Variants in PCDH11X observed in about 807,000 individuals in gnomAD.
PCDH11X encodes the protein protocadherin-11 X-linked.
In PCDH11X, 18 loss-of-function variants were observed where a neutral mutation model predicts 53.3. The observed-to-expected ratio is 0.34, with a 90% CI of 0.23 to 0.50. PCDH11X has a LOEUF of 0.50. PCDH11X is among the 20% of genes least tolerant of loss of function. PCDH11X has a pLI of 0.98. For missense variants in PCDH11X, 570 were observed against 1,032.4 expected (o/e 0.55, Z 6.14); for synonymous variants, 279 against 393.3 (o/e 0.71, Z 3.44).
At chrX:92,421,021 T>G (rs2071953148) in intron 9 of PCDH11X, among the ~76,000 whole-genome samples, 1 of 111,922 alleles carries the variant, frequency 8.9e-6, no homozygotes. Context: ...ATTGGATAAT[T>G]GTTATTGATC....
chrX:91,825,045 A>G (rs1445371320), intron 4 of PCDH11X, among the ~76,000 whole-genome samples: 22 of 111,020 alleles, frequency 2.0e-4, no homozygotes, highest in Non-Finnish European at 3.0e-4. Context: ...CAGATCTCCA[A>G]CTGCATACTG....
At chrX:91,982,847 G>A (rs1304567408) in intron 6 of PCDH11X, 37 of 898,745 alleles carry the variant, frequency 4.1e-5, no homozygotes, top group Middle Eastern at 3.9e-4. Flanking sequence ...CTGCTATTTC[G>A]AAACGCGTGT....
At chrX:92,252,112 T>C (rs1221907839) in intron 7 of PCDH11X, among the ~76,000 whole-genome samples, 1 of 111,399 alleles carries the variant, frequency 9.0e-6, no homozygotes, top group Non-Finnish European at 1.9e-5. Flanking sequence ...TTTACCAGTG[T>C]CTTTTCTTTA....
chrX:91,947,369 C>A (rs2061589495), intron 6 of PCDH11X, among the ~76,000 whole-genome samples: 1 of 104,740 alleles, frequency 9.5e-6, no homozygotes, highest in Non-Finnish European at 2.0e-5. Context: ...TAGTCACATT[C>A]AGGGAACATT....
chrX:92,353,019 A>C (rs747060558), intron 8 of PCDH11X, among the ~76,000 whole-genome samples: 1 of 111,722 alleles, frequency 9.0e-6, no homozygotes, highest in African/African-American at 3.3e-5. Context: ...GCTGCAATTT[A>C]GTTCTGCCTT....
intron 7 of PCDH11X, among the ~76,000 whole-genome samples, chrX:92,251,019 A>C (rs978027992): frequency 1.8e-5 from 2 of 111,296 alleles, no homozygotes; most frequent in African/African-American, 6.5e-5. Flanking sequence ...TATATCAATA[A>C]AGGTGTTAAA....
chrX:92,198,465 T>C, intron 6 of PCDH11X, among the ~76,000 whole-genome samples: 1 of 103,448 alleles, frequency 9.7e-6, no homozygotes, highest in Non-Finnish European at 2.0e-5. Flanking sequence ...AGTCTGGGTT[T>C]ACCTCTCTCA....
rs755839913 is a variant in PCDH11X, at chrX:92,600,887, T to G, written c.3368-17377T>G. On this transcript the variant is annotated intron_variant, in intron 10 of 10. Transcript: ENST00000682573. Reference sequence around the variant, plus strand: ...ACCCACCTCTTGCATCAGTGTGACGTGGATGTGAAACATGCAGTCAAAGGT... The same window carrying G: ...ACCCACCTCTTGCATCAGTGTGACGGGGATGTGAAACATGCAGTCAAAGGT... Among the ~76,000 whole-genome samples, 8 of 103,559 alleles carry G rather than the reference T, an allele frequency of 7.7e-5. No individual in the cohort carries two copies. The East Asian group carries it at 2.4e-3, about 31-fold the overall frequency. 89.9% of individuals were successfully genotyped at this position (103,559 alleles called of 115,157 possible).
At chrX:92,587,850 C>T (rs1403379881) in intron 10 of PCDH11X, among the ~76,000 whole-genome samples, 3 of 110,195 alleles carry the variant, frequency 2.7e-5, no homozygotes, top group African/African-American at 6.6e-5. Context: ...AATTTTTGTC[C>T]ATCATTTAAA....
chrX:92,121,946 A>G (rs1602984909), intron 6 of PCDH11X, among the ~76,000 whole-genome samples: 1 of 95,562 alleles, frequency 1.0e-5, no homozygotes, highest in East Asian at 3.2e-4. Context: ...ACAGAGCAAG[A>G]CTCCCTTTCA....
At chrX:92,537,390 G>T (rs1010568246) in intron 10 of PCDH11X, among the ~76,000 whole-genome samples, 1 of 109,601 alleles carries the variant, frequency 9.1e-6, no homozygotes. Context: ...GATATTTCAT[G>T]TTTATGGATT....
chrX:92,329,643 C>T (rs1248005377), intron 8 of PCDH11X, among the ~76,000 whole-genome samples: 1 of 111,019 alleles, frequency 9.0e-6, no homozygotes, highest in Non-Finnish European at 1.9e-5. Flanking sequence ...TACTATTTAG[C>T]CAGAAAAAGG....
chrX:91,839,461 C>CAAAAAAAAA (rs757627555), intron 5 of PCDH11X, among the ~76,000 whole-genome samples: 1 of 70,394 alleles, frequency 1.4e-5, no homozygotes, highest in Non-Finnish European at 2.8e-5. Flanking sequence ...TAAAAAAATA[C>CAAAAAAAAA]AAAAAAAAAA....
At chrX:92,183,174 A>T (rs2066025668) in intron 6 of PCDH11X, among the ~76,000 whole-genome samples, 1 of 107,751 alleles carries the variant, frequency 9.3e-6, no homozygotes, top group South Asian at 4.1e-4. Flanking sequence ...TTGCTCTTGG[A>T]TTACTAGTTT....
chrX:92,085,645 C>T (rs1398140198), intron 6 of PCDH11X, among the ~76,000 whole-genome samples: 1 of 110,036 alleles, frequency 9.1e-6, no homozygotes, highest in Non-Finnish European at 1.9e-5. Context: ...GAAATTCTAC[C>T]ATCTGGCGTA....
At chrX:92,105,413 C>T (rs1031931151) in intron 6 of PCDH11X, among the ~76,000 whole-genome samples, 3 of 110,134 alleles carry the variant, frequency 2.7e-5, no homozygotes, top group African/African-American at 6.6e-5. Context: ...GGAGGTCCCT[C>T]GATCTGAGTC....
intron 4 of PCDH11X, among the ~76,000 whole-genome samples, chrX:91,814,143 C>T (rs759490949): frequency 3.7e-5 from 4 of 109,407 alleles, no homozygotes; most frequent in African/African-American, 9.8e-5. Flanking sequence ...ATATATTGCA[C>T]GTATCCAATT....
chrX:92,155,855 C>T (rs1482339576), intron 6 of PCDH11X, among the ~76,000 whole-genome samples: 4 of 107,969 alleles, frequency 3.7e-5, no homozygotes, highest in African/African-American at 1.4e-4. Context: ...GTCTCGATCT[C>T]CTGACCTCGT....
chrX:92,066,062 T>C (rs1433506359), intron 6 of PCDH11X, among the ~76,000 whole-genome samples: 61 of 106,175 alleles, frequency 5.7e-4, no homozygotes, highest in African/African-American at 2.1e-3. Flanking sequence ...GTTTCATTCT[T>C]CTGACTACGA....
Sources: gnomAD v4.1 joint callset for allele counts (sites outside exome capture counted in the v4.1 genomes callset) on GRCh38, gnomAD v4.1.1 for gene constraint, MANE v1.5 for transcripts, NCBI Gene and HGNC (gene_info 2026-07-23, HGNC 2026-07-21) for gene names.